Variants in ITPR2 observed in about 807,000 individuals in gnomAD.
ITPR2 encodes inositol 1,4,5-trisphosphate receptor type 2.
Under a neutral mutation model 317.1 loss-of-function variants are expected in ITPR2, and 207 were observed. The observed-to-expected ratio is 0.65, with a 90% confidence interval of 0.58 to 0.73. The LOEUF is 0.73. ITPR2 is among the 30% of genes least tolerant of loss of function. The pLI is 0.00. For synonymous variants in ITPR2, 1,156 were observed against 1,149.1 expected, an observed-to-expected ratio of 1.01 and a Z score of -0.12; for missense variants, 2,613 against 3,284.0, an observed-to-expected ratio of 0.80 and a Z score of 4.99.
intron 37 of ITPR2, among the ~76,000 whole-genome samples, chr12:26,518,431 C>A (rs968895513): frequency 1.3e-5 from 2 of 152,108 alleles, no homozygotes; most frequent in Non-Finnish European, 2.9e-5. Context: ...ATGCTTATTA[C>A]CAGGGTGACA....
rs1323598888 is a variant in ITPR2, at chr12:26,463,701, A to AC, written c.6342+11594_6342+11595insG. 9.9e-5 allele frequency among the ~76,000 whole-genome samples: 13 copies of AC among 130,908 alleles called. No individual in the cohort carries two copies. In the South Asian group the frequency reaches 1.8e-3, roughly 18 times the overall value. The allele number at this position is 130,908 out of a possible 152,430, so 85.9% of individuals were successfully genotyped here. The stretch of plus-strand genomic sequence containing the variant: ...ACACAAAAAACAAACAAACAAACAA[A>AC]AAAAAAACAAATTAAGTACTCTAAG... On this transcript the variant is annotated intron_variant, in intron 45 of 56. Coordinates refer to ENST00000381340, the MANE Select transcript of ITPR2 (RefSeq NM_002223.4).
chr12:26,821,935 GT>G (rs1950944598), intron 1 of ITPR2, among the ~76,000 whole-genome samples: 1 of 152,132 alleles, frequency 6.6e-6, no homozygotes, highest in Non-Finnish European at 1.5e-5. Context: ...TTTTAAACCA[GT>G]TTTGTTTTGG....
At chr12:26,791,966 C>T (rs534149588) in intron 1 of ITPR2, among the ~76,000 whole-genome samples, 7 of 152,156 alleles carry the variant, frequency 4.6e-5, no homozygotes, top group Non-Finnish European at 8.8e-5. Flanking sequence ...TTACAAATGA[C>T]ACTGACATTC....
At chr12:26,827,732 C>G (rs1474587656) in intron 1 of ITPR2, among the ~76,000 whole-genome samples, 1 of 152,172 alleles carries the variant, frequency 6.6e-6, no homozygotes, top group Non-Finnish European at 1.5e-5. Flanking sequence ...AAACACCTTG[C>G]TAAGCTGACT....
intron 52 of ITPR2, among the ~76,000 whole-genome samples, chr12:26,407,154 T>C (rs1234645327): frequency 6.6e-6 from 1 of 152,160 alleles, no homozygotes; most frequent in Admixed American, 6.5e-5. Flanking sequence ...TTTCCCCCAA[T>C]GTGCCTGGGA....
chr12:26,653,490 T>C (rs531287353), intron 21 of ITPR2, among the ~76,000 whole-genome samples: 167 of 152,298 alleles, frequency 1.1e-3, no homozygotes, highest in African/African-American at 3.7e-3. Context: ...TCTGCCCACC[T>C]TGGCCTCCCA....
chr12:26,581,436 T>C (rs1269936657), intron 32 of ITPR2, among the ~76,000 whole-genome samples: 1 of 152,196 alleles, frequency 6.6e-6, no homozygotes, highest in Non-Finnish European at 1.5e-5. Context: ...TCTAATTTCA[T>C]AGGATAACTG....
intron 2 of ITPR2, among the ~76,000 whole-genome samples, chr12:26,759,904 GAAGA>G (rs1949599145): frequency 1.3e-5 from 2 of 152,176 alleles, no homozygotes; most frequent in Admixed American, 1.3e-4. Flanking sequence ...GCATTTCAAG[GAAGA>G]AAGAAAGAGA....
chr12:26,689,415 A>T (rs1565694673), intron 10 of ITPR2, among the ~76,000 whole-genome samples: 2 of 152,078 alleles, frequency 1.3e-5, no homozygotes, highest in African/African-American at 4.8e-5. Context: ...AACTGTCTCA[A>T]AAAGATAAAA....
At chr12:26,575,584 C>T (rs1945256134) in intron 34 of ITPR2, among the ~76,000 whole-genome samples, 1 of 151,948 alleles carries the variant, frequency 6.6e-6, no homozygotes, top group Non-Finnish European at 1.5e-5. Context: ...TTGATTATAC[C>T]CTTCGATATA....
chr12:26,730,454 A>T lies in ITPR2; in HGVS notation c.164-4689T>A, dbSNP rs565672960. On this transcript the variant is annotated intron_variant, in intron 2 of 56. Transcript: ENST00000381340. Reference sequence around the variant, plus strand: ...AGCGTCATTTTTTAATTCTAACAACAATCTCTTCAACATTTCAAGACTCAA... The same window carrying T: ...AGCGTCATTTTTTAATTCTAACAACTATCTCTTCAACATTTCAAGACTCAA... Among the ~76,000 whole-genome samples the T allele has an allele frequency of 2.6e-5, 4 of 152,296 alleles. No individual in the cohort carries two copies. In the South Asian group the frequency reaches 8.3e-4, roughly 32 times the overall value.
At chr12:26,798,948 T>C (rs1240653817) in intron 1 of ITPR2, among the ~76,000 whole-genome samples, 1 of 152,256 alleles carries the variant, frequency 6.6e-6, no homozygotes, top group Non-Finnish European at 1.5e-5. Context: ...AAGTGCACCT[T>C]TGTTTGCCAT....
At chr12:26,702,817 G>A (rs1204952603) in intron 9 of ITPR2, among the ~76,000 whole-genome samples, 1 of 152,094 alleles carries the variant, frequency 6.6e-6, no homozygotes, top group Non-Finnish European at 1.5e-5. Context: ...CCCTTGGTTA[G>A]CTTTACTATC....
chr12:26,597,260 CAG>C, intron 30 of ITPR2, 126 bp from the exon 31 acceptor site: 2 of 1,058,916 alleles, frequency 1.9e-6, no homozygotes, highest in Non-Finnish European at 2.8e-6. Context: ...ACGGCAAAGA[CAG>C]AGCTATGCTT....
intron 21 of ITPR2, among the ~76,000 whole-genome samples, chr12:26,644,677 A>C (rs1018802750): frequency 6.6e-6 from 1 of 152,062 alleles, no homozygotes; most frequent in African/African-American, 2.4e-5. Flanking sequence ...CAAGAACAGC[A>C]CAGGAAGAAA....
At chr12:26,713,288 C>T (rs1465820104) in intron 8 of ITPR2, among the ~76,000 whole-genome samples, 3 of 152,192 alleles carry the variant, frequency 2.0e-5, no homozygotes, top group East Asian at 1.9e-4. Flanking sequence ...CTTGAAACAC[C>T]TGATGCCCAT....
chr12:26,506,346 TAA>T (rs1185655171), intron 37 of ITPR2, among the ~76,000 whole-genome samples: 3 of 151,502 alleles, frequency 2.0e-5, no homozygotes, highest in Non-Finnish European at 4.4e-5. Context: ...TCATCTCTAA[TAA>T]AAATAGGAAA....
chr12:26,423,600 G>A (rs868196707), intron 49 of ITPR2, among the ~76,000 whole-genome samples: 2 of 151,950 alleles, frequency 1.3e-5, no homozygotes, highest in African/African-American at 2.4e-5. Context: ...TGGTTATAAC[G>A]CCCATATGAC....
chr12:26,674,046 G>A (rs1947852885), intron 13 of ITPR2, among the ~76,000 whole-genome samples: 2 of 136,756 alleles, frequency 1.5e-5, no homozygotes, highest in Non-Finnish European at 3.2e-5. Context: ...AAATAAAAGA[G>A]GACACAAACA....
Sources: gnomAD v4.1 joint callset for allele counts (sites outside exome capture counted in the v4.1 genomes callset) on GRCh38, gnomAD v4.1.1 for gene constraint, MANE v1.5 for transcripts, NCBI Gene and HGNC (gene_info 2026-07-23, HGNC 2026-07-21) for gene names.